Variants in FXR1 observed in about 807,000 individuals in gnomAD.
FXR1 encodes the protein RNA-binding protein FXR1.
FXR1 carries 15 observed loss-of-function variants against 84.0 expected under a neutral mutation model. The ratio of observed to expected loss-of-function variants is 0.18; its 90% CI spans 0.12 to 0.27. The LOEUF (loss-of-function observed/expected upper bound fraction) is 0.27, where lower values mean the gene tolerates loss of function less well. Ranked by LOEUF, FXR1 falls within the 10% of genes least tolerant of loss-of-function variation. The pLI is 1.00. For synonymous variants in FXR1, 245 were observed against 250.7 expected, an observed-to-expected ratio of 0.98 and a Z score of 0.21; for missense variants, 480 against 774.4, an observed-to-expected ratio of 0.62 and a Z score of 4.51.
chr3:180,927,751 A>G, intron 1 of FXR1: 1 of 438,480 alleles, frequency 2.3e-6, no homozygotes, highest in Admixed American at 4.2e-5. Context: ...AACAAATTGT[A>G]GCAAATGTTT....
At chr3:180,928,585 A>G (rs934363414) in intron 1 of FXR1, among the ~76,000 whole-genome samples, 1 of 151,672 alleles carries the variant, frequency 6.6e-6, no homozygotes, top group East Asian at 1.9e-4. Flanking sequence ...TTGTATTTAT[A>G]TTTATTAGAG....
intron 3 of FXR1, among the ~76,000 whole-genome samples, chr3:180,935,728 A>G (rs1215458467): frequency 1.3e-5 from 2 of 152,200 alleles, no homozygotes; most frequent in Non-Finnish European, 2.9e-5. Flanking sequence ...AAAAGTACAG[A>G]AAAGCAAAAA....
intron 11 of FXR1, 64 bp downstream of exon 11, chr3:180,961,618 A>G (rs935525874): frequency 6.9e-6 from 5 of 727,350 alleles, no homozygotes; most frequent in Non-Finnish European, 1.2e-5. Flanking sequence ...AATGTTGTAC[A>G]TTTGCTACAA....
chr3:180,918,515 G>C (rs1718171052), intron 1 of FXR1, among the ~76,000 whole-genome samples: 1 of 152,162 alleles, frequency 6.6e-6, no homozygotes, highest in Admixed American at 6.6e-5. Context: ...CAGATACTTT[G>C]CTGGATTATC....
At position 180,912,685 on chromosome 3, in the gene FXR1, C is replaced by T. The variant is rs1717353527; in HGVS notation, c.-1C>T. 2.5e-6 allele frequency: 4 copies of T among 1,612,440 alleles called. No individual in the cohort carries two copies. The South Asian group carries it at 4.4e-5, about 18-fold the overall frequency. ...TTCCCAGCGGCCTTTGCGGTTCCAA[C>T]ATGGCGGAGCTGACGGTGGAGGTTC... On this transcript the variant is annotated 5_prime_UTR_variant, in exon 1 of 17. Coordinates refer to ENST00000357559, the MANE Select transcript of FXR1 (RefSeq NM_005087.4).
At chr3:180,956,481 T>C (rs913345852) in intron 9 of FXR1, among the ~76,000 whole-genome samples, 3 of 152,166 alleles carry the variant, frequency 2.0e-5, no homozygotes, top group African/African-American at 4.8e-5. Context: ...AAAACTGGTA[T>C]AGTTCACAAG....
intron 6 of FXR1, 97 bp from the exon 7 acceptor site, chr3:180,949,130 T>G: frequency 1.3e-6 from 1 of 766,954 alleles, no homozygotes. Context: ...GTGTAGTAGA[T>G]GAGAAGCAAG....
intron 1 of FXR1, among the ~76,000 whole-genome samples, chr3:180,921,796 A>C (rs1407898268): frequency 6.6e-6 from 1 of 151,562 alleles, no homozygotes; most frequent in Non-Finnish European, 1.5e-5. Flanking sequence ...TTTTACACAC[A>C]CGTAAGTATG....
At chr3:180,934,293 C>T (rs1006131505) in intron 2 of FXR1, among the ~76,000 whole-genome samples, 4 of 152,178 alleles carry the variant, frequency 2.6e-5, no homozygotes, top group African/African-American at 9.7e-5. Context: ...AAGAAAGCAT[C>T]CCCAAATCTT....
chr3:180,960,709 C>T (rs1044327521), intron 10 of FXR1, among the ~76,000 whole-genome samples: 1 of 152,140 alleles, frequency 6.6e-6, no homozygotes, highest in Non-Finnish European at 1.5e-5. Flanking sequence ...AAGTGATCCA[C>T]CTGCCTCAGC....
At chr3:180,923,527 C>T (rs1426214948) in intron 1 of FXR1, among the ~76,000 whole-genome samples, 1 of 151,728 alleles carries the variant, frequency 6.6e-6, no homozygotes, top group Non-Finnish European at 1.5e-5. Flanking sequence ...TTTTCCTTGC[C>T]CTGATAAGGA....
At chr3:180,974,501 T>C (rs976372101) in intron 15 of FXR1, among the ~76,000 whole-genome samples, 2 of 152,230 alleles carry the variant, frequency 1.3e-5, no homozygotes, top group Non-Finnish European at 2.9e-5. Flanking sequence ...GTCCACATAC[T>C]GTAGAACATA....
intron 15 of FXR1, among the ~76,000 whole-genome samples, chr3:180,973,595 A>G (rs996430543): frequency 2.6e-5 from 4 of 152,226 alleles, no homozygotes; most frequent in South Asian, 2.1e-4. Context: ...CCTTTTTCCA[A>G]TATTGTAAAC....
rs1013787946 is a variant in FXR1 at position 180,954,709 on chromosome 3, A to AT, written c.880+878dup. Among the ~76,000 whole-genome samples the AT allele has an allele frequency of 2.7e-4, 40 of 150,418 alleles. No individual in the cohort carries two copies. In the East Asian group the frequency reaches 4.7e-3, roughly 18 times the overall value. On this transcript the variant is annotated intron_variant, in intron 9 of 16. Coordinates refer to ENST00000357559, the MANE Select transcript of FXR1 (RefSeq NM_005087.4). ...TTTTTGTTCCCTGTTATCTCTCATT[A>AT]TTTTTTTTTGACGCTAGGGAAATAC...
At chr3:180,917,721 C>T (rs1718068922) in intron 1 of FXR1, among the ~76,000 whole-genome samples, 1 of 151,922 alleles carries the variant, frequency 6.6e-6, no homozygotes, top group South Asian at 2.1e-4. Flanking sequence ...GGCTGAGGTG[C>T]GTGGATCACG....
intron 8 of FXR1, among the ~76,000 whole-genome samples, chr3:180,951,923 C>T (rs1354247908): frequency 6.6e-6 from 1 of 152,076 alleles, no homozygotes; most frequent in Non-Finnish European, 1.5e-5. Flanking sequence ...GTTATTCAGC[C>T]AGGTGCAGTG....
chr3:180,918,346 C>G (rs1458162094), intron 1 of FXR1, among the ~76,000 whole-genome samples: 1 of 151,386 alleles, frequency 6.6e-6, no homozygotes, highest in African/African-American at 2.4e-5. Flanking sequence ...CTATTTAGAT[C>G]AGGCTGGTCT....
chr3:180,963,882 C>CTCTTTATTTTCTCTTTTCCTTT (rs1712459792), intron 13 of FXR1, among the ~76,000 whole-genome samples: 1 of 151,972 alleles, frequency 6.6e-6, no homozygotes, highest in Non-Finnish European at 1.5e-5. Context: ...TTCGCCCCTT[C>CTCTTTATTTTCTCTTTTCCTTT]TCTTTATTTT....
At chr3:180,925,958 A>G (rs1400882080) in intron 1 of FXR1, among the ~76,000 whole-genome samples, 2 of 152,196 alleles carry the variant, frequency 1.3e-5, no homozygotes, top group Non-Finnish European at 2.9e-5. Flanking sequence ...TAACCTAGTC[A>G]GAGGAAAGAC....
Sources: gnomAD v4.1 joint callset for allele counts (sites outside exome capture counted in the v4.1 genomes callset) on GRCh38, gnomAD v4.1.1 for gene constraint, MANE v1.5 for transcripts, NCBI Gene and HGNC (gene_info 2026-07-23, HGNC 2026-07-21) for gene names.